Variants in GIGYF2 observed in about 807,000 individuals in gnomAD.
GIGYF2 encodes GRB10-interacting GYF protein 2.
GIGYF2 carries 25 observed loss-of-function variants against 208.1 expected under a neutral mutation model. The ratio of observed to expected loss-of-function variants is 0.12; its 90% CI spans 0.09 to 0.17. The LOEUF (loss-of-function observed/expected upper bound fraction) is 0.17, where lower values mean the gene tolerates loss of function less well. GIGYF2 is among the 10% of genes least tolerant of loss of function. The pLI, the probability that GIGYF2 is intolerant of heterozygous loss-of-function variation, is 1.00. For missense variants in GIGYF2, 1,302 were observed against 1,579.4 expected (o/e 0.82, Z 2.98); for synonymous variants, 534 against 543.8 (o/e 0.98, Z 0.25).
intron 8 of GIGYF2, among the ~76,000 whole-genome samples, chr2:232,783,811 G>A (rs976252644): frequency 1.2e-4 from 18 of 152,134 alleles, no homozygotes; most frequent in African/African-American, 2.9e-4. Context: ...TCAGCCTCCC[G>A]AGTAGCTGGG....
At position 232,806,367 on chromosome 2, in the gene GIGYF2, TTAGA is replaced by T. The variant is rs1348468420; in HGVS notation, c.1640-120_1640-117del. 2.8e-5 allele frequency: 21 copies of T among 760,108 alleles called. No individual in the cohort carries two copies. Among genetic ancestry groups the T allele is most frequent in the Non-Finnish European group, 4.5e-5 (19 of 420,592 alleles). The allele number at this position is 760,108 out of a possible 1,614,324, so 47.1% of individuals were successfully genotyped here. A position where few individuals can be genotyped will look rare whatever the true frequency, so the allele number is the denominator to read the frequency against. On this transcript the variant is annotated intron_variant, in intron 14 of 28. Transcript: ENST00000373563. The surrounding 1 kb of genome is among the most constrained non-coding windows in gnomAD (Gnocchi z 4.0). ...TAGCTACCTTTAGAGGTGAATTAAATTAGATAGTATAAAACATTTTGACAGATGC... is the reference window on the plus strand; with the variant it reads ...TAGCTACCTTTAGAGGTGAATTAAATTAGTATAAAACATTTTGACAGATGC...
chr2:232,721,443 C>CCTTT (rs1364330940), intron 2 of GIGYF2, among the ~76,000 whole-genome samples: 1 of 152,174 alleles, frequency 6.6e-6, no homozygotes, highest in Non-Finnish European at 1.5e-5. Context: ...GGTAATCTTA[C>CCTTT]CTTTCCTTTA....
rs187166057 is a variant in GIGYF2, at chr2:232,781,032, A to G, written c.533-6118A>G. 2.8e-3 allele frequency among the ~76,000 whole-genome samples: 433 copies of G among 152,138 alleles called. 2 individuals are homozygous for G. The highest frequency in any genetic ancestry group is 9.9e-3 in the African/African-American group (411 of 41,474). On this transcript the variant is annotated intron_variant, in intron 8 of 28. Transcript: ENST00000373563. The stretch of plus-strand genomic sequence containing the variant: ...GAGTGCAGTGGCACAATCTCGGCTC[A>G]CTGCAACCTCCACCTCCCGGGTTCA...
At chr2:232,729,447 G>T in intron 2 of GIGYF2, 3 of 693,976 alleles carry the variant, frequency 4.3e-6, no homozygotes, top group Non-Finnish European at 6.4e-6. Flanking sequence ...TAAATAACTT[G>T]GTTTATTATT....
At chr2:232,780,853 C>T (rs925030018) in intron 8 of GIGYF2, among the ~76,000 whole-genome samples, 20 of 152,096 alleles carry the variant, frequency 1.3e-4, no homozygotes, top group African/African-American at 3.6e-4. Context: ...TTTTAGTCTC[C>T]GTTGCTATGA....
chr2:232,778,587 C>G (rs999312658), intron 8 of GIGYF2, among the ~76,000 whole-genome samples: 1 of 152,048 alleles, frequency 6.6e-6, no homozygotes, highest in Non-Finnish European at 1.5e-5. Context: ...CTTCTCTCTT[C>G]CTTTTGAAGG....
At chr2:232,713,293 G>T (rs1289928638) in intron 2 of GIGYF2, among the ~76,000 whole-genome samples, 1 of 152,082 alleles carries the variant, frequency 6.6e-6, no homozygotes, top group African/African-American at 2.4e-5. Context: ...GGCCAAGCTG[G>T]TCTTGAACTC....
chr2:232,778,389 TTCTGGA>T (rs1420803539), intron 8 of GIGYF2, among the ~76,000 whole-genome samples: 1 of 152,228 alleles, frequency 6.6e-6, no homozygotes, highest in East Asian at 1.9e-4. Flanking sequence ...TGAAGCTAAT[TTCTGGA>T]TCTCTACAAT....
chr2:232,846,428 T>C (rs1422994287), intron 26 of GIGYF2, among the ~76,000 whole-genome samples: 1 of 152,050 alleles, frequency 6.6e-6, no homozygotes, highest in African/African-American at 2.4e-5. Flanking sequence ...CAAACAGAAC[T>C]GTCTCCCATC....
intron 1 of GIGYF2, among the ~76,000 whole-genome samples, 161 bp downstream of exon 1, chr2:232,697,553 G>C (rs953269822): frequency 6.6e-5 from 10 of 152,206 alleles, no homozygotes; most frequent in Non-Finnish European, 1.0e-4. Context: ...CGCTCCGGCC[G>C]GCTTGGGCCG....
At chr2:232,754,826 A>C (rs1264146127) in intron 5 of GIGYF2, among the ~76,000 whole-genome samples, 1 of 152,038 alleles carries the variant, frequency 6.6e-6, no homozygotes, top group African/African-American at 2.4e-5. Context: ...TTAGTTGTCA[A>C]ATATATCTTA....
rs963838659 is a variant in GIGYF2, at chr2:232,771,902, G to T, written c.532+10466G>T. ...TCCTTTGAAGCCAGATTTAGTATAG[G>T]ACAAGGCTTACATTTGTGGTAAGCT... is the stretch of plus-strand genomic sequence containing the variant. On this transcript the variant is annotated intron_variant, in intron 8 of 28. Transcript: ENST00000373563. Among the ~76,000 whole-genome samples the T allele has an allele frequency of 3.3e-5, 5 of 152,154 alleles. No homozygotes were observed. In the East Asian group the frequency reaches 9.6e-4, roughly 29 times the overall value.
chr2:232,732,922 G>A (rs1436104177), intron 2 of GIGYF2, among the ~76,000 whole-genome samples: 1 of 152,060 alleles, frequency 6.6e-6, no homozygotes, highest in Admixed American at 6.5e-5. Flanking sequence ...GAGCCACCAT[G>A]CTCGGCAGTT....
At chr2:232,766,105 T>C in intron 8 of GIGYF2, 1 of 416,846 alleles carries the variant, frequency 2.4e-6, no homozygotes, top group Non-Finnish European at 5.0e-6. Context: ...AACCTAATCC[T>C]TAACCTAGAA....
At chr2:232,760,087 T>G (rs188322944) in intron 6 of GIGYF2, 86 of 171,638 alleles carry the variant, frequency 5.0e-4, no homozygotes, top group Non-Finnish European at 9.5e-4. Context: ...AGCCCCTGTC[T>G]TCTTAAACTC....
At chr2:232,750,057 C>T (rs371004027) in intron 5 of GIGYF2, among the ~76,000 whole-genome samples, 91 of 151,970 alleles carry the variant, frequency 6.0e-4, no homozygotes, top group African/African-American at 1.8e-3. Flanking sequence ...TGGTGACACA[C>T]GGTTGTAATC....
chr2:232,757,229 T>C (rs1215273305), intron 6 of GIGYF2, among the ~76,000 whole-genome samples: 3 of 152,194 alleles, frequency 2.0e-5, no homozygotes, highest in African/African-American at 7.2e-5. Flanking sequence ...GAGATTTCTT[T>C]TAGTAGTCCA....
At chr2:232,842,885 C>G (rs1701861060) in intron 23 of GIGYF2, 8 of 152,220 alleles carry the variant, frequency 5.3e-5, no homozygotes, top group Admixed American at 5.2e-4. Flanking sequence ...AGTGAATTGC[C>G]TAACTGCACA....
chr2:232,738,137 G>A (rs940156081), intron 3 of GIGYF2, among the ~76,000 whole-genome samples: 5 of 151,912 alleles, frequency 3.3e-5, no homozygotes, highest in Non-Finnish European at 2.9e-5. Context: ...GGCTGGTCTC[G>A]AACTCCTGAC....
Sources: allele counts gnomAD v4.1 joint callset (sites outside exome capture counted in the v4.1 genomes callset), GRCh38; gene constraint gnomAD v4.1.1; non-coding constraint Gnocchi (gnomAD v3.1); transcripts MANE v1.5; gene names NCBI Gene and HGNC (gene_info 2026-07-23, HGNC 2026-07-21).